CDKN2B-AS1: variants seen among roughly 807,000 people sequenced by gnomAD.
CDKN2B-AS1 encodes CDKN2B antisense RNA 1 (non-protein coding).
intron 4 of CDKN2B-AS1, among the ~76,000 whole-genome samples, chr9:22,077,239 T>C (rs892486643): frequency 6.6e-6 from 1 of 152,146 alleles, no homozygotes; most frequent in East Asian, 1.9e-4. Context: ...ATTTAAATAA[T>C]ATACTTCATT....
chr9:22,106,343 A>T (rs1327635193), intron 4 of CDKN2B-AS1, among the ~76,000 whole-genome samples: 1 of 151,968 alleles, frequency 6.6e-6, no homozygotes, highest in Non-Finnish European at 1.5e-5. Flanking sequence ...AGCCTCTCAA[A>T]GTGCTGGGAT....
At position 21,995,303 on chromosome 9, in the gene CDKN2B-AS1, T is replaced by G. The variant is rs1820599566; in HGVS notation, n.29+142T>G. On this transcript the variant is annotated intron_variant and non_coding_transcript_variant, in intron 1 of 4. Transcript: ENST00000650946. The surrounding 1 kb of genome is among the most constrained non-coding windows in gnomAD (Gnocchi z 5.7). ...CCATTTTTATTTTCGGTTTTAACCT[T>G]CACGACAGCCGCGGAGCATCTGAGC... 4 of 152,306 alleles carry G rather than the reference T, an allele frequency of 2.6e-5. No homozygotes were observed. 9.4% of individuals were successfully genotyped at this position (152,306 alleles called of 1,614,324 possible).
At chr9:22,060,022 C>T (rs577314812) in intron 4 of CDKN2B-AS1, among the ~76,000 whole-genome samples, 3 of 152,242 alleles carry the variant, frequency 2.0e-5, no homozygotes, top group East Asian at 3.9e-4. Context: ...TCCTCTTGGG[C>T]CTCTGGGCCT....
chr9:22,029,535 A>G (rs566510833), intron 1 of CDKN2B-AS1: 33 of 779,326 alleles, frequency 4.2e-5, no homozygotes, highest in South Asian at 4.2e-4. Flanking sequence ...CCTGGCCCCC[A>G]TGACTTTCTT....
chr9:22,056,925 A>G (rs1823598633), intron 4 of CDKN2B-AS1, among the ~76,000 whole-genome samples: 1 of 152,248 alleles, frequency 6.6e-6, no homozygotes, highest in Non-Finnish European at 1.5e-5. Flanking sequence ...TGCTCTTACC[A>G]GTCTTCCCCA....
intron 4 of CDKN2B-AS1, among the ~76,000 whole-genome samples, chr9:22,111,182 ATCTG>A (rs900462023): frequency 1.3e-5 from 2 of 152,086 alleles, no homozygotes; most frequent in Non-Finnish European, 2.9e-5. Flanking sequence ...ATATGTATGT[ATCTG>A]TCTGTCTGTT....
chr9:22,073,758 G>C (rs1824387652), intron 4 of CDKN2B-AS1, among the ~76,000 whole-genome samples: 1 of 152,040 alleles, frequency 6.6e-6, no homozygotes, highest in South Asian at 2.1e-4. Flanking sequence ...TAAAACCAGT[G>C]TTCCTTTGAC....
intron 4 of CDKN2B-AS1, among the ~76,000 whole-genome samples, chr9:22,067,126 A>T (rs1824076519): frequency 6.6e-6 from 1 of 152,006 alleles, no homozygotes; most frequent in African/African-American, 2.4e-5. Context: ...TGACGAGTTA[A>T]TGGGTGCAGC....
chr9:22,117,186 G>A (rs1825972622), intron 4 of CDKN2B-AS1, among the ~76,000 whole-genome samples: 1 of 152,126 alleles, frequency 6.6e-6, no homozygotes. Flanking sequence ...CATATTTAGA[G>A]CTTAATTTCT....
At chr9:22,122,762 T>C (rs1563995339) in intron 4 of CDKN2B-AS1, among the ~76,000 whole-genome samples, 1 of 152,188 alleles carries the variant, frequency 6.6e-6, no homozygotes, top group Non-Finnish European at 1.5e-5. Flanking sequence ...TATGTGTCTG[T>C]TTTTATACCA....
At chr9:22,126,689 C>G (rs1017094161) in intron 4 of CDKN2B-AS1, among the ~76,000 whole-genome samples, 23 of 150,906 alleles carry the variant, frequency 1.5e-4, no homozygotes, top group African/African-American at 4.9e-4. Flanking sequence ...TCTCCTGCCT[C>G]AGCCTCCCGA....
At chr9:22,023,517 T>G (rs1365279862) in intron 1 of CDKN2B-AS1, among the ~76,000 whole-genome samples, 1 of 152,028 alleles carries the variant, frequency 6.6e-6, no homozygotes, top group East Asian at 1.9e-4. Context: ...GTGGATCATT[T>G]GAGGTCAGGA....
chr9:22,015,878 C>T (rs1821731216), intron 1 of CDKN2B-AS1, among the ~76,000 whole-genome samples: 1 of 152,092 alleles, frequency 6.6e-6, no homozygotes. Context: ...TGTCTTTTGG[C>T]TGCATAAATG....
chr9:22,101,665 A>AACACACACACAC lies in CDKN2B-AS1; in HGVS notation n.439-25412_439-25401dup, dbSNP rs748040681. Among the ~76,000 whole-genome samples the AACACACACACAC allele has an allele frequency of 7.9e-3, 991 of 125,466 alleles. 26 individuals carry two copies. Among genetic ancestry groups the AACACACACACAC allele is most frequent in the African/African-American group, 0.027 (952 of 35,880 alleles). 82.3% of individuals were successfully genotyped at this position (125,466 alleles called of 152,430 possible). On this transcript the variant is annotated intron_variant and non_coding_transcript_variant, in intron 4 of 4. Transcript: ENST00000650946. ...TTTCATTGCAACCCTAACCCTCTTC[A>AACACACACACAC]ACACACACACACACACACACACACA...
intron 1 of CDKN2B-AS1, chr9:22,004,848 A>T (rs1201922974): frequency 8.6e-6 from 2 of 233,136 alleles, no homozygotes; most frequent in Admixed American, 5.6e-5. Context: ...ACCCTGAGAC[A>T]CTCTATAAAG....
intron 4 of CDKN2B-AS1, among the ~76,000 whole-genome samples, chr9:22,057,346 A>G (rs1020772884): frequency 6.6e-6 from 1 of 152,152 alleles, no homozygotes; most frequent in African/African-American, 2.4e-5. Flanking sequence ...CTGTATATCT[A>G]TTATATAGTG....
intron 4 of CDKN2B-AS1, chr9:22,065,694 ACCACATC>A (rs1824008352): frequency 6.6e-6 from 1 of 152,156 alleles, no homozygotes; most frequent in African/African-American, 2.4e-5. Flanking sequence ...TTCTGCAGAA[ACCACATC>A]CCTTGGAGTA....
intron 1 of CDKN2B-AS1, among the ~76,000 whole-genome samples, chr9:22,016,545 C>A (rs1336094236): frequency 6.6e-6 from 1 of 152,152 alleles, no homozygotes; most frequent in East Asian, 1.9e-4. Context: ...TGACTTCAAA[C>A]TATACTACAA....
intron 1 of CDKN2B-AS1, among the ~76,000 whole-genome samples, chr9:22,045,011 T>A (rs1823046081): frequency 6.7e-6 from 1 of 148,618 alleles, no homozygotes; most frequent in African/African-American, 2.6e-5. Context: ...AGGAGAAGTA[T>A]TTTTCTTTTG....
Sources: gnomAD v4.1 joint callset for allele counts (sites outside exome capture counted in the v4.1 genomes callset) on GRCh38, gnomAD v4.1.1 for gene constraint, Gnocchi (gnomAD v3.1) non-coding constraint, MANE v1.5 for transcripts, NCBI Gene and HGNC (gene_info 2026-07-23, HGNC 2026-07-21) for gene names.